Variants in RAPGEF4 observed in about 807,000 individuals in gnomAD.
RAPGEF4 encodes Rap guanine nucleotide exchange factor 4.
A neutral mutation model predicts 147.9 loss-of-function variants in RAPGEF4; 66 were observed. The ratio of observed to expected loss-of-function variants is 0.45; its 90% CI spans 0.37 to 0.55. The LOEUF is 0.55. Ranked by LOEUF, RAPGEF4 falls within the 20% of genes least tolerant of loss-of-function variation. The probability of loss-of-function intolerance (pLI) is 0.00; values close to 1 mark genes in which losing one functional copy is unlikely to be tolerated. For synonymous variants in RAPGEF4, 419 were observed against 442.7 expected, an observed-to-expected ratio of 0.95 and a Z score of 0.67; for missense variants, 1,071 against 1,257.3, an observed-to-expected ratio of 0.85 and a Z score of 2.24.
chr2:172,737,730 A>C (rs1693936789), intron 1 of RAPGEF4, among the ~76,000 whole-genome samples: 1 of 151,964 alleles, frequency 6.6e-6, no homozygotes, highest in Non-Finnish European at 1.5e-5. Context: ...AACCCTTCAC[A>C]GATACTGAGC....
chr2:172,850,513 C>G (rs187772235), intron 4 of RAPGEF4, among the ~76,000 whole-genome samples: 2,432 of 151,714 alleles, frequency 0.016, 22 homozygotes, highest in South Asian at 0.035. Flanking sequence ...AGCTACTTGG[C>G]AGGCTGAGGC....
chr2:172,787,013 C>G (rs78544300), intron 1 of RAPGEF4, among the ~76,000 whole-genome samples: 1 of 152,080 alleles, frequency 6.6e-6, no homozygotes. Flanking sequence ...AGTTCAAGAC[C>G]AGCCTGGCCA....
intron 6 of RAPGEF4, among the ~76,000 whole-genome samples, chr2:172,934,544 A>G (rs1013884452): frequency 2.6e-5 from 4 of 152,212 alleles, no homozygotes; most frequent in African/African-American, 7.2e-5. Context: ...AGTCCAATGC[A>G]ATGAATTATT....
At chr2:173,047,008 G>T (rs1685552971) in intron 29 of RAPGEF4, among the ~76,000 whole-genome samples, 1 of 152,152 alleles carries the variant, frequency 6.6e-6, no homozygotes, top group African/African-American at 2.4e-5. Context: ...AGAAGAAAGG[G>T]TTGACTAGAA....
In RAPGEF4 at chr2:172,904,818, C is replaced by A. The variant is rs143132316; in HGVS notation, c.445-12984C>A. 2.0e-3 allele frequency among the ~76,000 whole-genome samples: 308 copies of A among 151,972 alleles called. 3 individuals carry two copies. The highest frequency in any genetic ancestry group is 7.0e-3 in the African/African-American group (289 of 41,446). Reference sequence around the variant, plus strand: ...CTGTCCTCCCCTTCAGCACCTAATACCTTCCTTGTTTTCCCATCAAAACCA... The same window carrying A: ...CTGTCCTCCCCTTCAGCACCTAATAACTTCCTTGTTTTCCCATCAAAACCA... On this transcript the variant is annotated intron_variant, in intron 4 of 30. Coordinates refer to ENST00000397081, the MANE Select transcript of RAPGEF4 (RefSeq NM_007023.4).
chr2:172,811,419 T>C (rs901967781), intron 3 of RAPGEF4, among the ~76,000 whole-genome samples: 2 of 152,264 alleles, frequency 1.3e-5, no homozygotes, highest in South Asian at 2.1e-4. Flanking sequence ...TACCATTTCA[T>C]GTTCCCTGCA....
intron 15 of RAPGEF4, among the ~76,000 whole-genome samples, chr2:172,994,477 G>A (rs56041203): frequency 0.073 from 11,058 of 152,178 alleles, 590 homozygotes; most frequent in South Asian, 0.16. Flanking sequence ...ATGCCTCCCC[G>A]TCCTGAGCGG....
chr2:172,897,633 C>T (rs892716570), intron 4 of RAPGEF4, among the ~76,000 whole-genome samples: 1 of 151,950 alleles, frequency 6.6e-6, no homozygotes, highest in Non-Finnish European at 1.5e-5. Context: ...AACTCCTGGC[C>T]TCAAAGGATC....
chr2:172,767,201 G>A (rs1019815323), intron 1 of RAPGEF4, among the ~76,000 whole-genome samples: 95 of 146,270 alleles, frequency 6.5e-4, no homozygotes, highest in East Asian at 4.2e-3. Flanking sequence ...TTTTTGAGAC[G>A]GAGTTTTGCT....
rs112832009 is a variant in RAPGEF4 at position 172,978,654 on chromosome 2, C to T, written c.1005-4842C>T. Among the ~76,000 whole-genome samples, 100 of 152,334 alleles carry T rather than the reference C, an allele frequency of 6.6e-4. No individual in the cohort carries two copies. The East Asian group carries it at 0.017, about 26-fold the overall frequency. ...CTCTCCTGCCCTCTGGGCTGATTGA[C>T]GCAGAGCTGTCTTATCAGTGATGCT... On this transcript the variant is annotated intron_variant, in intron 10 of 30. Transcript: ENST00000397081.
intron 15 of RAPGEF4, among the ~76,000 whole-genome samples, chr2:172,993,988 C>T (rs978069597): frequency 6.6e-6 from 1 of 152,230 alleles, no homozygotes. Context: ...ATCTCTATTA[C>T]TTTTGACCAG....
intron 1 of RAPGEF4, among the ~76,000 whole-genome samples, chr2:172,783,017 G>T (rs568251817): frequency 1.7e-4 from 26 of 152,256 alleles, no homozygotes; most frequent in South Asian, 4.1e-4. Context: ...ATTTCACATT[G>T]CATTTTAATT....
chr2:172,961,204 G>GA lies in RAPGEF4; in HGVS notation c.678dup (p.Tyr227IlefsTer14). On this transcript the variant is annotated frameshift_variant, in exon 8 of 31. Coordinates refer to ENST00000397081, the MANE Select transcript of RAPGEF4 (RefSeq NM_007023.4). LOFTEE classifies it high-confidence loss of function. ...CGAGCACCTCACATGATAAGAGATA[G>GA]AAAATACCACCTAAAGACATACAGG... The GA allele has an allele frequency of 6.2e-7, 1 of 1,608,152 alleles. No homozygotes were observed. Among genetic ancestry groups the GA allele is most frequent in the Non-Finnish European group, 8.5e-7 (1 of 1,174,580 alleles).
intron 16 of RAPGEF4, among the ~76,000 whole-genome samples, chr2:172,997,740 A>T (rs1693511549): frequency 6.6e-6 from 1 of 152,170 alleles, no homozygotes; most frequent in Admixed American, 6.5e-5. Flanking sequence ...AGCCTTTCTC[A>T]CTAAAAGAAG....
At chr2:173,034,011 CA>C (rs1162933200) in intron 27 of RAPGEF4, 47 bp downstream of exon 27, 1 of 1,530,500 alleles carries the variant, frequency 6.5e-7, no homozygotes, top group Non-Finnish European at 8.9e-7. Context: ...TACATTAATC[CA>C]ATTTCTGATT....
At position 172,891,911 on chromosome 2, in the gene RAPGEF4, A is replaced by G. The variant is rs555540004; in HGVS notation, c.445-25891A>G. Among the ~76,000 whole-genome samples, 6 of 152,354 alleles carry G rather than the reference A, an allele frequency of 3.9e-5. No homozygotes were observed. In the South Asian group the frequency reaches 1.2e-3, roughly 32 times the overall value. ...TTCTTTTCCATTATCAAAGCCCAAG[A>G]GAGGGGAAGAAGAGCTGTCTTTGAA... On this transcript the variant is annotated intron_variant, in intron 4 of 30. Coordinates refer to ENST00000397081, the MANE Select transcript of RAPGEF4 (RefSeq NM_007023.4).
chr2:173,001,419 ATCT>A lies in RAPGEF4; in HGVS notation c.1658+79_1658+81del, dbSNP rs545769852. ...CCCTATCGAGGGCCATTCTTATCTC[ATCT>A]TCTGCAGGTAAGTCATGGCCCAGGC... On this transcript the variant is annotated intron_variant, in intron 17 of 30. Coordinates refer to ENST00000397081, the MANE Select transcript of RAPGEF4 (RefSeq NM_007023.4). 49 of 1,572,104 alleles carry A rather than the reference ATCT, an allele frequency of 3.1e-5. No homozygotes were observed. In the South Asian group the frequency reaches 5.2e-4, roughly 17 times the overall value.
intron 4 of RAPGEF4, 121 bp downstream of exon 4, chr2:172,814,546 T>G: frequency 8.0e-7 from 1 of 1,255,078 alleles, no homozygotes; most frequent in Non-Finnish European, 1.1e-6. Flanking sequence ...TAGATGGAAT[T>G]TAATTTTCAA....
intron 29 of RAPGEF4, among the ~76,000 whole-genome samples, chr2:173,044,554 C>T (rs1685203899): frequency 6.6e-6 from 1 of 152,202 alleles, no homozygotes; most frequent in Non-Finnish European, 1.5e-5. Context: ...TCCTCGAGTG[C>T]ATGTCCTGAG....
Sources: gnomAD v4.1 joint callset for allele counts (sites outside exome capture counted in the v4.1 genomes callset) on GRCh38, gnomAD v4.1.1 for gene constraint, MANE v1.5 for transcripts, NCBI Gene and HGNC (gene_info 2026-07-23, HGNC 2026-07-21) for gene names.